The following WDR44 variants were observed in gnomAD, a reference collection of about 807,000 sequenced individuals.
The protein encoded by WDR44 is WD repeat-containing protein 44.
In WDR44, 9 loss-of-function variants were observed where a neutral mutation model predicts 65.7. The observed-to-expected ratio is 0.14, with a 90% CI of 0.08 to 0.24. WDR44 has a LOEUF of 0.24. WDR44 is among the 10% of genes least tolerant of loss of function. The probability of loss-of-function intolerance (pLI) is 1.00; values close to 1 mark genes in which losing one functional copy is unlikely to be tolerated. For synonymous variants in WDR44, 220 were observed against 235.2 expected (o/e 0.94, Z 0.59); for missense variants, 425 against 670.9 (o/e 0.63, Z 4.05).
chrX:118,425,829 T>C (rs1215805541), intron 12 of WDR44, among the ~76,000 whole-genome samples: 3 of 111,714 alleles, frequency 2.7e-5, no homozygotes, highest in Non-Finnish European at 5.6e-5. Context: ...TCCCAGCACT[T>C]TGGGAGGCCG....
At chrX:118,367,820 GA>G (rs34551724) in intron 1 of WDR44, among the ~76,000 whole-genome samples, 2 of 108,838 alleles carry the variant, frequency 1.8e-5, no homozygotes, top group Admixed American at 9.8e-5. Context: ...TTCAAACACT[GA>G]AAAAAAAAGT....
At chrX:118,355,359 AT>A (rs2056450125) in intron 1 of WDR44, among the ~76,000 whole-genome samples, 1 of 111,814 alleles carries the variant, frequency 8.9e-6, no homozygotes, top group Non-Finnish European at 1.9e-5. Flanking sequence ...TAAGGGAAAA[AT>A]TGGTTGCATT....
intron 12 of WDR44, among the ~76,000 whole-genome samples, chrX:118,426,084 A>G (rs1308838309): frequency 8.9e-6 from 1 of 112,210 alleles, no homozygotes; most frequent in Non-Finnish European, 1.9e-5. Flanking sequence ...AAAAAAGAAA[A>G]TCTTTAGATA....
chrX:118,417,655 G>A (rs1387798331), intron 12 of WDR44, among the ~76,000 whole-genome samples: 1 of 111,880 alleles, frequency 8.9e-6, no homozygotes, highest in Non-Finnish European at 1.9e-5. Flanking sequence ...TGATGACAGT[G>A]TGCCTACGCG....
chrX:118,374,358 A>G (rs16995145), intron 1 of WDR44, among the ~76,000 whole-genome samples: 5,673 of 111,342 alleles, frequency 0.051, 341 homozygotes, highest in African/African-American at 0.17. Flanking sequence ...ACTTTTTACT[A>G]GGCATTAATG....
chrX:118,391,593 T>C (rs1414118173), intron 3 of WDR44, among the ~76,000 whole-genome samples: 1 of 112,053 alleles, frequency 8.9e-6, no homozygotes, highest in Middle Eastern at 4.2e-3. Context: ...ATAAGTGATC[T>C]GGGAGATTTA....
intron 1 of WDR44, among the ~76,000 whole-genome samples, chrX:118,376,984 C>T (rs764696389): frequency 1.8e-5 from 2 of 110,028 alleles, no homozygotes; most frequent in African/African-American, 3.3e-5. Flanking sequence ...GCCTGAGTAA[C>T]GGAGTGAGAC....
chrX:118,448,946 G>T lies in WDR44; in HGVS notation c.2701G>T (p.Ala901Ser). The change falls in exon 20 of 20, where the codon GCA (alanine) becomes TCA (serine). Residue 901 changes from alanine (A) to serine (S), a missense_variant. Ala to Ser is a moderately conservative substitution (Grantham distance 99). Coordinates refer to ENST00000254029, the MANE Select transcript of WDR44 (RefSeq NM_019045.5). Reference protein sequence around the residue: ...EVLLSADFTGAIKVFVNKRKN... With the variant: ...EVLLSADFTGSIKVFVNKRKN... ...TCTTCTCTCTGCTGACTTCACTGGA[G>T]CAATCAAAGTGTTTGTTAATAAAAG... 8.3e-7 allele frequency: 1 copy of T among 1,198,909 alleles called. No individual in the cohort carries two copies.
At chrX:118,396,376 C>T (rs2056866139) in intron 6 of WDR44, among the ~76,000 whole-genome samples, 1 of 111,898 alleles carries the variant, frequency 8.9e-6, no homozygotes, top group Non-Finnish European at 1.9e-5. Flanking sequence ...CATCATCATT[C>T]ATAACAGCCA....
chrX:118,429,981 T>C (rs760845559), intron 12 of WDR44, among the ~76,000 whole-genome samples: 1 of 111,134 alleles, frequency 9.0e-6, no homozygotes, highest in Non-Finnish European at 1.9e-5. Context: ...TGGAAATGTC[T>C]AAGTGACCAA....
At chrX:118,366,781 A>G (rs1277745405) in intron 1 of WDR44, among the ~76,000 whole-genome samples, 1 of 111,952 alleles carries the variant, frequency 8.9e-6, no homozygotes, top group Non-Finnish European at 1.9e-5. Context: ...TTAGATGCAT[A>G]CTGAAATATT....
chrX:118,440,949 C>CTTTTTTTTTTTTTTTTTTTTTTTTT (rs1214126337), intron 14 of WDR44, among the ~76,000 whole-genome samples: 1 of 50,366 alleles, frequency 2.0e-5, no homozygotes, highest in East Asian at 8.0e-4. Flanking sequence ...TAAATGAAAT[C>CTTTTTTTTTTTTTTTTTTTTTTTTT]TTTTTTTTTT....
chrX:118,390,074 T>C (rs1445622205), intron 3 of WDR44, among the ~76,000 whole-genome samples: 4 of 107,361 alleles, frequency 3.7e-5, no homozygotes, highest in Non-Finnish European at 5.8e-5. Context: ...TTTATATTTA[T>C]TTATTTATTT....
chrX:118,369,714 C>T (rs940737078), intron 1 of WDR44, among the ~76,000 whole-genome samples: 23 of 110,606 alleles, frequency 2.1e-4, no homozygotes, highest in Admixed American at 3.9e-4. Flanking sequence ...GTGATCTGCC[C>T]GCCTCGGCCA....
intron 6 of WDR44, among the ~76,000 whole-genome samples, 158 bp from the exon 7 acceptor site, chrX:118,396,812 G>A: frequency 8.9e-6 from 1 of 111,952 alleles, no homozygotes; most frequent in South Asian, 3.7e-4. Context: ...TTTGTGGCAT[G>A]TGAATTATAT....
rs1368490688 is a variant in WDR44, at chrX:118,392,665, G to A, written c.220G>A (p.Val74Ile). ...IESIIEESQKVLQLEDDSLDS... is the reference protein window; with the variant it reads ...IESIIEESQKILQLEDDSLDS... ...AAGTATTATTGAGGAGAGTCAGAAA[G>A]TACTACAGCTTGAAGATGACTCTTT... Residue 74 changes from valine (V) to isoleucine (I), a missense_variant, in exon 4 of 20, where the codon GTA (valine) becomes ATA (isoleucine). Val to Ile is a conservative substitution (Grantham distance 29). Around this residue, in one of 5 missense-constraint regions of WDR44, gnomAD observed 193 missense variants for 209.0 expected, o/e 0.92. Transcript: ENST00000254029. The A allele has an allele frequency of 2.5e-6, 3 of 1,207,143 alleles. No homozygotes were observed. Among genetic ancestry groups the A allele is most frequent in the Non-Finnish European group, 3.4e-6 (3 of 892,811 alleles).
intron 1 of WDR44, among the ~76,000 whole-genome samples, chrX:118,366,608 A>G (rs2056554564): frequency 9.0e-6 from 1 of 111,055 alleles, no homozygotes; most frequent in Admixed American, 9.7e-5. Context: ...TATTTGATTG[A>G]TATAAACCAA....
At chrX:118,442,109 G>T in intron 15 of WDR44, 135 bp from the exon 16 acceptor site, 1 of 476,985 alleles carries the variant, frequency 2.1e-6, no homozygotes. Flanking sequence ...TGGTGCAATT[G>T]TTGCTCACTA....
At chrX:118,387,468 G>T (rs1052607480) in intron 3 of WDR44, 54 bp downstream of exon 3, 3 of 922,813 alleles carry the variant, frequency 3.3e-6, no homozygotes, top group Non-Finnish European at 4.5e-6. Context: ...TATTTATATG[G>T]TATATTTCAA....
Sources: allele counts gnomAD v4.1 joint callset (sites outside exome capture counted in the v4.1 genomes callset), GRCh38; gene constraint gnomAD v4.1.1; regional missense constraint gnomAD v4.1.1; transcripts MANE v1.5; gene names NCBI Gene and HGNC (gene_info 2026-07-23, HGNC 2026-07-21).